RAD21: variants seen among roughly 807,000 people sequenced by gnomAD.
The protein encoded by RAD21 is RAD21 cohesin complex component.
A neutral mutation model predicts 71.5 loss-of-function variants in RAD21; 18 were observed. The ratio of observed to expected loss-of-function variants is 0.25; its 90% confidence interval spans 0.17 to 0.37. The LOEUF (loss-of-function observed/expected upper bound fraction) is 0.37, where lower values mean the gene tolerates loss of function less well. RAD21 is among the 10% of genes least tolerant of loss of function. The pLI is 1.00. For synonymous variants in RAD21, 248 were observed against 254.0 expected, an observed-to-expected ratio of 0.98 and a Z score of 0.22; for missense variants, 493 against 769.1, an observed-to-expected ratio of 0.64 and a Z score of 4.25.
chr8:116,861,073 AAG>A (rs933444482), intron 4 of RAD21, among the ~76,000 whole-genome samples: 2 of 152,152 alleles, frequency 1.3e-5, no homozygotes, highest in Non-Finnish European at 2.9e-5. Flanking sequence ...AAATGTCAAA[AAG>A]AGAGAAAAAA....
At chr8:116,867,962 C>A (rs543647745) in intron 1 of RAD21, among the ~76,000 whole-genome samples, 2 of 152,304 alleles carry the variant, frequency 1.3e-5, no homozygotes, top group South Asian at 4.1e-4. Flanking sequence ...TCCATCACTA[C>A]AAAACTCATC....
intron 1 of RAD21, among the ~76,000 whole-genome samples, chr8:116,871,734 T>G (rs938630760): frequency 6.6e-6 from 1 of 152,234 alleles, no homozygotes. Context: ...GAAAACTTAC[T>G]AAGCACTACG....
chr8:116,870,179 G>C (rs1326037307), intron 1 of RAD21, among the ~76,000 whole-genome samples: 1 of 152,006 alleles, frequency 6.6e-6, no homozygotes, highest in Non-Finnish European at 1.5e-5. Context: ...AAAAAACCAG[G>C]CTTTGTCAAC....
At chr8:116,872,791 T>C (rs1388334798) in intron 1 of RAD21, among the ~76,000 whole-genome samples, 1 of 152,188 alleles carries the variant, frequency 6.6e-6, no homozygotes, top group African/African-American at 2.4e-5. Flanking sequence ...AGCTACCTCT[T>C]CAGGGGAGTA....
chr8:116,847,097 T>A lies in RAD21; in HGVS notation c.*403A>T. On this transcript the variant is annotated 3_prime_UTR_variant, in exon 14 of 14. Transcript: ENST00000297338. ...TTGTTTTTTTTTCTTGTCAAAGACT[T>A]ACACCATAGTTTTAAATTAAACTGT... The A allele has an allele frequency of 4.3e-6, 1 of 234,268 alleles. No homozygotes were observed. The highest frequency in any genetic ancestry group is 2.2e-5 in the African/African-American group (1 of 45,436). The allele number at this position is 234,268 out of a possible 1,614,324, so 14.5% of individuals were successfully genotyped here.
At chr8:116,850,861 C>T (rs1812335265) in intron 11 of RAD21, 94 bp from the exon 12 acceptor site, 2 of 832,030 alleles carry the variant, frequency 2.4e-6, no homozygotes, top group African/African-American at 1.7e-5. Context: ...GTTTTCTAGT[C>T]AAAAAGAAAT....
rs16889009 is a variant in RAD21, at chr8:116,864,843, G to A, written c.145-1584C>T. Among the ~76,000 whole-genome samples the A allele has an allele frequency of 5.7e-4, 87 of 152,256 alleles. No homozygotes were observed. In the South Asian group the frequency reaches 0.018, roughly 32 times the overall value. On this transcript the variant is annotated intron_variant, in intron 2 of 13. Transcript: ENST00000297338. ...TGTTTTTGAGCTAGTGTGTGTTAAAGTGTAAACATAAATATAATAAAGATT... is the reference window on the plus strand; with the variant it reads ...TGTTTTTGAGCTAGTGTGTGTTAAAATGTAAACATAAATATAATAAAGATT...
intron 13 of RAD21, among the ~76,000 whole-genome samples, chr8:116,848,486 C>T (rs1399630331): frequency 6.6e-6 from 1 of 152,156 alleles, no homozygotes; most frequent in African/African-American, 2.4e-5. Flanking sequence ...ACTTGCTTGG[C>T]ATTTTGCAGA....
chr8:116,851,979 G>C lies in RAD21; in HGVS notation c.1439C>G (p.Ala480Gly). The C allele has an allele frequency of 6.2e-7, 1 of 1,610,536 alleles. No homozygotes were observed. The highest frequency in any genetic ancestry group is 8.5e-7 in the Non-Finnish European group (1 of 1,177,376). Residue 480 changes from alanine to glycine, a missense_variant, in exon 11 of 14, where the codon GCT (alanine) becomes GGT (glycine). Physicochemically the swap from Ala to Gly is moderately conservative, Grantham distance 60 (BLOSUM62 0). Coordinates refer to ENST00000297338, the MANE Select transcript of RAD21 (RefSeq NM_006265.3). The part of the protein sequence containing the change: ...PPPPQGVKRK[A>G]GQIDPEPVMP... Reference sequence around the variant, plus strand: ...CACAGGCTCTGGGTCAATTTGTCCAGCTTTTCGCTTAACTCCCTGAGGTGG... The same window carrying C: ...CACAGGCTCTGGGTCAATTTGTCCACCTTTTCGCTTAACTCCCTGAGGTGG...
chr8:116,872,361 C>A (rs1812840915), intron 1 of RAD21, among the ~76,000 whole-genome samples: 1 of 151,872 alleles, frequency 6.6e-6, no homozygotes, highest in Non-Finnish European at 1.5e-5. Context: ...AGGTTAAGTG[C>A]AAAAAAGTTG....
chr8:116,846,263 G>A lies in RAD21; in HGVS notation c.*1237C>T, dbSNP rs1254615228. 1 of 230,868 alleles carries A rather than the reference G, an allele frequency of 4.3e-6. No homozygotes were observed. The highest frequency in any genetic ancestry group is 8.6e-6 in the Non-Finnish European group (1 of 116,438). The allele number at this position is 230,868 out of a possible 1,614,324, so 14.3% of individuals were successfully genotyped here. A position where few individuals can be genotyped will look rare whatever the true frequency, so the allele number is the denominator to read the frequency against. On this transcript the variant is annotated 3_prime_UTR_variant, in exon 14 of 14. Coordinates refer to ENST00000297338, the MANE Select transcript of RAD21 (RefSeq NM_006265.3). ...ATTTCACATAATTTTAAATTATTGGGTATACACTGAAGTCTGAGTTTCAAA... is the reference window on the plus strand; with the variant it reads ...ATTTCACATAATTTTAAATTATTGGATATACACTGAAGTCTGAGTTTCAAA...
chr8:116,869,308 G>A (rs904460966), intron 1 of RAD21, among the ~76,000 whole-genome samples: 2 of 152,216 alleles, frequency 1.3e-5, no homozygotes, highest in African/African-American at 4.8e-5. Flanking sequence ...AAAGAGGCCA[G>A]GCAGGCTGGC....
chr8:116,852,699 G>A lies in RAD21; in HGVS notation c.1171C>T (p.Arg391Cys), dbSNP rs1259968025. 21 of 1,509,178 alleles carry A rather than the reference G, an allele frequency of 1.4e-5. No homozygotes were observed. Among genetic ancestry groups the A allele is most frequent in the East Asian group, 2.4e-5 (1 of 42,052 alleles). The allele number at this position is 1,509,178 out of a possible 1,614,324, so 93.5% of individuals were successfully genotyped here. ...TCTGGTACAAGCGGTGTAAGACAGCGTGTAAAGAGCTATTAAAAAAAAAAA... is the reference window on the plus strand; with the variant it reads ...TCTGGTACAAGCGGTGTAAGACAGCATGTAAAGAGCTATTAAAAAAAAAAA... ...WNNRLLKLFT[R>C]CLTPLVPEDL... The change falls in exon 10 of 14, where the codon CGC becomes TGC. Residue 391 changes from arginine (R) to cysteine (C), a missense_variant. Physicochemically the swap from Arg to Cys is radical, Grantham distance 180 (BLOSUM62 -3). This residue lies in a region of RAD21 where 42 missense variants were observed against 117.2 expected (regional missense o/e 0.36). Coordinates refer to ENST00000297338, the MANE Select transcript of RAD21 (RefSeq NM_006265.3).
intron 8 of RAD21, among the ~76,000 whole-genome samples, chr8:116,854,683 TG>T (rs1812425185): frequency 6.6e-6 from 1 of 152,118 alleles, no homozygotes; most frequent in Non-Finnish European, 1.5e-5. Context: ...AAAAATTTGC[TG>T]AATGAGTATG....
At chr8:116,850,547 C>T (rs982096678) in intron 12 of RAD21, 71 bp downstream of exon 12, 11 of 1,566,400 alleles carry the variant, frequency 7.0e-6, no homozygotes, top group South Asian at 2.4e-5. Flanking sequence ...ATTAAGTTAG[C>T]CCCAATATGA....
chr8:116,858,507 AAAAC>A, intron 4 of RAD21, 49 bp from the exon 5 acceptor site: 2 of 1,433,484 alleles, frequency 1.4e-6, no homozygotes, highest in Non-Finnish European at 1.9e-6. Context: ...ATGTATAAGA[AAAAC>A]AAATCCCAAT....
chr8:116,847,553 C>T lies in RAD21; in HGVS notation c.1843G>A (p.Glu615Lys), dbSNP rs1425483905. Residue 615 changes from glutamate to lysine, a missense_variant, in exon 14 of 14, where the codon GAA (glutamate) becomes AAA (lysine). Around this residue, in one of 5 missense-constraint regions of RAD21, gnomAD observed 34 missense variants for 59.9 expected, o/e 0.57. Transcript: ENST00000297338. Reference sequence around the variant, plus strand: ...GTTGCGATGATGTCACTGTACGGTTCTTCCTGTGTCAGCTCAATAGCTTGC... The same window carrying T: ...GTTGCGATGATGTCACTGTACGGTTTTTCCTGTGTCAGCTCAATAGCTTGC... The part of the protein sequence containing the change: ...KQQAIELTQE[E>K]PYSDIIATPG... 2 of 1,613,932 alleles carry T rather than the reference C, an allele frequency of 1.2e-6. No individual in the cohort carries two copies. Among genetic ancestry groups the T allele is most frequent in the Non-Finnish European group, 8.5e-7 (1 of 1,179,964 alleles).
chr8:116,850,425 T>G (rs1710101078), intron 12 of RAD21, among the ~76,000 whole-genome samples, 193 bp downstream of exon 12: 1 of 152,152 alleles, frequency 6.6e-6, no homozygotes, highest in African/African-American at 2.4e-5. Context: ...AGCCAATGAG[T>G]TACAGCGAAG....
chr8:116,849,227 C>A, intron 12 of RAD21, 198 bp from the exon 13 acceptor site: 1 of 437,952 alleles, frequency 2.3e-6, no homozygotes, highest in Non-Finnish European at 4.0e-6. Context: ...AATTACAAGG[C>A]AAAGTCCTCT....
Sources: allele counts gnomAD v4.1 joint callset (sites outside exome capture counted in the v4.1 genomes callset), GRCh38; gene constraint gnomAD v4.1.1; regional missense constraint gnomAD v4.1.1; transcripts MANE v1.5; gene names NCBI Gene and HGNC (gene_info 2026-07-23, HGNC 2026-07-21).